The following TCF4 variants were observed in gnomAD, a reference collection of about 807,000 sequenced individuals.
TCF4 encodes SL3-3 enhancer factor 2.
TCF4 carries 3 observed loss-of-function variants against 82.1 expected under a neutral mutation model. That is an observed-to-expected ratio of 0.04 (90% CI 0.02 to 0.09). The LOEUF (loss-of-function observed/expected upper bound fraction) is 0.09, where lower values mean the gene tolerates loss of function less well. Ranked by LOEUF, TCF4 falls within the 10% of genes least tolerant of loss-of-function variation. The probability of loss-of-function intolerance (pLI) is 1.00; values close to 1 mark genes in which losing one functional copy is unlikely to be tolerated. For missense variants in TCF4, 518 were observed against 852.7 expected (o/e 0.61, Z 4.89); for synonymous variants, 276 against 309.6 (o/e 0.89, Z 1.14).
rs543060512 is a variant in TCF4 at position 55,301,588 on chromosome 18, C to T, written c.550-21932G>A. Among the ~76,000 whole-genome samples, 8 of 152,148 alleles carry T rather than the reference C, an allele frequency of 5.3e-5. No homozygotes were observed. The South Asian group carries it at 1.5e-3, about 28-fold the overall frequency. Reference sequence around the variant, plus strand: ...GCAACGGCTCTAATTTTTCTTCCTTCCCCCTATCCCATTATATGTGATATT... The same window carrying T: ...GCAACGGCTCTAATTTTTCTTCCTTTCCCCTATCCCATTATATGTGATATT... On this transcript the variant is annotated intron_variant, in intron 8 of 19. Transcript: ENST00000354452.
chr18:55,361,630 G>A (rs1218216615), intron 6 of TCF4, among the ~76,000 whole-genome samples: 1 of 152,168 alleles, frequency 6.6e-6, no homozygotes, highest in African/African-American at 2.4e-5. Context: ...CTATGCTGGG[G>A]AGGTCCACTC....
At chr18:55,260,760 G>A (rs1371017142) in intron 12 of TCF4, among the ~76,000 whole-genome samples, 2 of 152,008 alleles carry the variant, frequency 1.3e-5, no homozygotes, top group Non-Finnish European at 2.9e-5. Context: ...GGGCTTCACC[G>A]TGTTGGCCAG....
At position 55,372,481 on chromosome 18, in the gene TCF4, G is replaced by C. The variant is rs957344052; in HGVS notation, c.370-21478C>G. Among the ~76,000 whole-genome samples, 45 of 151,868 alleles carry C rather than the reference G, an allele frequency of 3.0e-4. 1 individual carries two copies. The highest frequency in any genetic ancestry group is 6.3e-4 in the Non-Finnish European group (43 of 67,966). On this transcript the variant is annotated intron_variant, in intron 6 of 19. Transcript: ENST00000354452. ...GGCAAGCCAGAACAAAAATGTGACA[G>C]AAAAAGGGGATACAAGACTTTAAAA...
intron 3 of TCF4, among the ~76,000 whole-genome samples, chr18:55,515,256 C>T (rs567275332): frequency 1.3e-5 from 2 of 152,104 alleles, no homozygotes; most frequent in Admixed American, 6.6e-5. Flanking sequence ...GAGTATAAAA[C>T]TCACGGAAAA....
At chr18:55,482,046 A>C (rs2096444521) in intron 3 of TCF4, 1 of 152,224 alleles carries the variant, frequency 6.6e-6, no homozygotes, top group Non-Finnish European at 1.5e-5. Context: ...AGAAGGGCCT[A>C]GGGGTGAGAA....
intron 2 of TCF4, among the ~76,000 whole-genome samples, chr18:55,630,760 TATAA>T (rs1188214355): frequency 6.6e-6 from 1 of 152,160 alleles, no homozygotes; most frequent in Non-Finnish European, 1.5e-5. Context: ...TATGAGACCA[TATAA>T]ATAGAGTGCT....
chr18:55,436,186 A>G (rs2095325582), intron 5 of TCF4, among the ~76,000 whole-genome samples: 1 of 152,220 alleles, frequency 6.6e-6, no homozygotes, highest in Non-Finnish European at 1.5e-5. Flanking sequence ...TGAACCATTA[A>G]TAGTGAGATA....
chr18:55,605,666 C>T (rs2097701578), intron 2 of TCF4, among the ~76,000 whole-genome samples: 1 of 152,178 alleles, frequency 6.6e-6, no homozygotes, highest in East Asian at 1.9e-4. Flanking sequence ...GAAATCATAC[C>T]AGTTGCATAT....
chr18:55,386,467 C>T (rs2092614727), intron 6 of TCF4, among the ~76,000 whole-genome samples: 1 of 152,184 alleles, frequency 6.6e-6, no homozygotes, highest in South Asian at 2.1e-4. Flanking sequence ...GGAGCACAAT[C>T]ATAATTTCTT....
At chr18:55,621,481 A>ATATTATATAATGTACATT (rs1368019427) in intron 2 of TCF4, among the ~76,000 whole-genome samples, 3 of 94,688 alleles carry the variant, frequency 3.2e-5, no homozygotes, top group Non-Finnish European at 5.8e-5. Context: ...ATAAAAATAT[A>ATATTATATAATGTACATT]ATATATATTA....
intron 6 of TCF4, among the ~76,000 whole-genome samples, chr18:55,402,410 A>C (rs1315272594): frequency 6.6e-6 from 1 of 152,176 alleles, no homozygotes; most frequent in Non-Finnish European, 1.5e-5. Context: ...TGTTTAAAAT[A>C]AAATTAAAAT....
chr18:55,309,259 G>A (rs560947707), intron 8 of TCF4, among the ~76,000 whole-genome samples: 2 of 150,920 alleles, frequency 1.3e-5, no homozygotes, highest in Non-Finnish European at 2.9e-5. Context: ...CTATAGATGA[G>A]CGCTACCATG....
At chr18:55,261,595 C>T in intron 11 of TCF4, 62 bp from the exon 12 acceptor site, 1 of 1,569,588 alleles carries the variant, frequency 6.4e-7, no homozygotes, top group Non-Finnish European at 8.8e-7. Context: ...ATTTTCTATT[C>T]CTGGTCCATT....
At chr18:55,622,238 G>T (rs1373243717) in intron 2 of TCF4, among the ~76,000 whole-genome samples, 1 of 150,742 alleles carries the variant, frequency 6.6e-6, no homozygotes, top group Non-Finnish European at 1.5e-5. Flanking sequence ...GCCGGGAGTG[G>T]TGGACCATGC....
At chr18:55,293,834 C>T (rs2065712813) in intron 8 of TCF4, among the ~76,000 whole-genome samples, 1 of 141,554 alleles carries the variant, frequency 7.1e-6, no homozygotes. Flanking sequence ...GGATTGTGTA[C>T]TAATAGTATA....
At chr18:55,509,813 C>CG (rs1166213232) in intron 3 of TCF4, among the ~76,000 whole-genome samples, 4 of 151,970 alleles carry the variant, frequency 2.6e-5, no homozygotes, top group East Asian at 3.9e-4. Flanking sequence ...GGGAAAGGGG[C>CG]GGGGGGAAAT....
At chr18:55,517,380 G>A (rs1335581398) in intron 3 of TCF4, among the ~76,000 whole-genome samples, 1 of 152,110 alleles carries the variant, frequency 6.6e-6, no homozygotes, top group Non-Finnish European at 1.5e-5. Flanking sequence ...AAACCAACCA[G>A]GCCCTCCTGT....
intron 5 of TCF4, among the ~76,000 whole-genome samples, 200 bp downstream of exon 5, chr18:55,460,819 T>C (rs745336724): frequency 6.6e-6 from 1 of 152,196 alleles, no homozygotes; most frequent in Non-Finnish European, 1.5e-5. Context: ...TTTCATTCCA[T>C]ATGCTTGTAA....
intron 6 of TCF4, among the ~76,000 whole-genome samples, chr18:55,359,653 T>C (rs2084573769): frequency 6.6e-6 from 1 of 152,226 alleles, no homozygotes; most frequent in Non-Finnish European, 1.5e-5. Flanking sequence ...CATCTCTATA[T>C]TCAGTCTTGT....
Sources: gnomAD v4.1 joint callset for allele counts (sites outside exome capture counted in the v4.1 genomes callset) on GRCh38, gnomAD v4.1.1 for gene constraint, MANE v1.5 for transcripts, NCBI Gene and HGNC (gene_info 2026-07-23, HGNC 2026-07-21) for gene names.